Variants in NEGR1 observed in about 807,000 individuals in gnomAD.
NEGR1 encodes neuronal growth regulator 1.
In NEGR1, 10 loss-of-function variants were observed where a neutral mutation model predicts 40.9. That is an observed-to-expected ratio of 0.24 (90% CI 0.15 to 0.42). The LOEUF (loss-of-function observed/expected upper bound fraction) is 0.42. Ranked by LOEUF, NEGR1 falls within the 10% of genes least tolerant of loss-of-function variation. The pLI, the probability that NEGR1 is intolerant of heterozygous loss-of-function variation, is 1.00. For missense variants in NEGR1, 352 were observed against 438.9 expected (o/e 0.80, Z 1.77); for synonymous variants, 185 against 166.8 (o/e 1.11, Z -0.84).
chr1:71,737,843 C>A (rs1472096950), intron 3 of NEGR1, among the ~76,000 whole-genome samples: 1 of 152,086 alleles, frequency 6.6e-6, no homozygotes, highest in Non-Finnish European at 1.5e-5. Context: ...AGGTAATGCC[C>A]CCTCTTTCTT....
intron 1 of NEGR1, among the ~76,000 whole-genome samples, chr1:72,090,364 T>TC (rs1222772050): frequency 7.4e-6 from 1 of 135,284 alleles, no homozygotes; most frequent in Non-Finnish European, 1.6e-5. Context: ...TCTTTTTTTC[T>TC]TAAAAAAAAA....
At chr1:72,271,293 G>A (rs1174285339) in intron 1 of NEGR1, among the ~76,000 whole-genome samples, 1 of 151,876 alleles carries the variant, frequency 6.6e-6, no homozygotes, top group African/African-American at 2.4e-5. Context: ...ATCCCTCAAC[G>A]ATGTGAATAG....
At chr1:71,440,150 AAAG>A (rs1211469533) in intron 6 of NEGR1, among the ~76,000 whole-genome samples, 4 of 152,204 alleles carry the variant, frequency 2.6e-5, no homozygotes, top group African/African-American at 4.8e-5. Flanking sequence ...CAAATGAATA[AAAG>A]AATAAGTATC....
intron 4 of NEGR1, among the ~76,000 whole-genome samples, chr1:71,668,935 A>AT (rs34929702): frequency 4.0e-5 from 6 of 151,740 alleles, no homozygotes; most frequent in Admixed American, 1.3e-4. Context: ...ATAATTCCTG[A>AT]TTTTTTTTGG....
At chr1:71,780,800 CAT>C (rs776391317) in intron 2 of NEGR1, among the ~76,000 whole-genome samples, 1 of 152,172 alleles carries the variant, frequency 6.6e-6, no homozygotes, top group Non-Finnish European at 1.5e-5. Flanking sequence ...CTAAAGATAA[CAT>C]ATGTCTCTTG....
intron 2 of NEGR1, among the ~76,000 whole-genome samples, chr1:71,835,514 C>A (rs1257069223): frequency 6.6e-6 from 1 of 152,188 alleles, no homozygotes; most frequent in Middle Eastern, 3.4e-3. Context: ...TTCACTCTCA[C>A]CTTCATTTTT....
chr1:71,471,091 G>A (rs1646778956), intron 6 of NEGR1, among the ~76,000 whole-genome samples: 1 of 152,006 alleles, frequency 6.6e-6, no homozygotes, highest in Non-Finnish European at 1.5e-5. Flanking sequence ...TCCTGCTCAA[G>A]AATCAATTCC....
At chr1:72,078,501 G>C (rs1647845856) in intron 1 of NEGR1, among the ~76,000 whole-genome samples, 1 of 151,782 alleles carries the variant, frequency 6.6e-6, no homozygotes, top group Non-Finnish European at 1.5e-5. Context: ...TGTTAGATAT[G>C]TGTTTACAAA....
At chr1:72,101,619 T>C (rs1408066194) in intron 1 of NEGR1, among the ~76,000 whole-genome samples, 1 of 152,086 alleles carries the variant, frequency 6.6e-6, no homozygotes, top group Non-Finnish European at 1.5e-5. Context: ...CAGAAGACTG[T>C]AGACTTTTTT....
chr1:71,414,557 T>C (rs1209665704), intron 6 of NEGR1, among the ~76,000 whole-genome samples: 2 of 152,128 alleles, frequency 1.3e-5, no homozygotes, highest in Non-Finnish European at 2.9e-5. Flanking sequence ...TCTGGTGAAA[T>C]CAAATGGTCC....
chr1:71,758,463 A>G (rs1308686786), intron 3 of NEGR1, among the ~76,000 whole-genome samples: 1 of 152,126 alleles, frequency 6.6e-6, no homozygotes, highest in African/African-American at 2.4e-5. Context: ...ATAGCATACT[A>G]AAAGTGAGAA....
chr1:71,490,483 CAT>C (rs768376315), intron 6 of NEGR1, among the ~76,000 whole-genome samples: 2 of 152,016 alleles, frequency 1.3e-5, no homozygotes, highest in Non-Finnish European at 2.9e-5. Context: ...CATTGATAGA[CAT>C]ATAATGTAGC....
intron 2 of NEGR1, among the ~76,000 whole-genome samples, chr1:71,830,608 G>A (rs905205396): frequency 6.6e-6 from 1 of 151,862 alleles, no homozygotes; most frequent in Non-Finnish European, 1.5e-5. Context: ...AAGTAAAGCA[G>A]TTAGTTCAAT....
At chr1:72,134,055 G>T (rs1009410868) in intron 1 of NEGR1, among the ~76,000 whole-genome samples, 1 of 151,796 alleles carries the variant, frequency 6.6e-6, no homozygotes, top group African/African-American at 2.4e-5. Flanking sequence ...AATAATTTTT[G>T]CCATCAAAAT....
At chr1:71,455,367 A>C (rs533570432) in intron 6 of NEGR1, among the ~76,000 whole-genome samples, 2 of 152,228 alleles carry the variant, frequency 1.3e-5, no homozygotes, top group South Asian at 4.1e-4. Flanking sequence ...ATGAAAGTCT[A>C]ATATCATTAA....
At chr1:71,974,071 A>T (rs1646281175) in intron 1 of NEGR1, among the ~76,000 whole-genome samples, 1 of 152,198 alleles carries the variant, frequency 6.6e-6, no homozygotes, top group African/African-American at 2.4e-5. Flanking sequence ...TAGAGCCATC[A>T]TCACCATTCA....
intron 2 of NEGR1, among the ~76,000 whole-genome samples, chr1:71,876,930 G>A (rs1033850298): frequency 6.6e-6 from 1 of 152,002 alleles, no homozygotes; most frequent in Non-Finnish European, 1.5e-5. Context: ...TTTGGAGACT[G>A]GGTCAGAATT....
chr1:71,798,218 T>A (rs1319962185), intron 2 of NEGR1: 1 of 151,788 alleles, frequency 6.6e-6, no homozygotes, highest in Non-Finnish European at 1.5e-5. Flanking sequence ...GAGAGTAATA[T>A]CAGACTCGGT....
At chr1:71,797,113 A>G (rs72948021) in intron 2 of NEGR1, among the ~76,000 whole-genome samples, 12,231 of 152,190 alleles carry the variant, frequency 0.08, 657 homozygotes, top group African/African-American at 0.14. Context: ...AGAGCAGGAA[A>G]TATTTCTCGA....
Sources: allele counts gnomAD v4.1 joint callset (sites outside exome capture counted in the v4.1 genomes callset), GRCh38; gene constraint gnomAD v4.1.1; transcripts MANE v1.5; gene names NCBI Gene and HGNC (gene_info 2026-07-23, HGNC 2026-07-21).